Variants in C1QTNF3 observed in about 807,000 individuals in gnomAD.
The protein encoded by C1QTNF3 is complement C1q tumor necrosis factor-related protein 3.
C1QTNF3 carries 26 observed loss-of-function variants against 32.6 expected under a neutral mutation model. That is an observed-to-expected ratio of 0.80 (90% CI 0.58 to 1.11). C1QTNF3 has a LOEUF of 1.11. C1QTNF3 is among the 50% of genes least tolerant of loss of function. The probability of loss-of-function intolerance (pLI) is 0.00; values close to 1 mark genes in which losing one functional copy is unlikely to be tolerated. For missense variants in C1QTNF3, 362 were observed against 398.2 expected (o/e 0.91, Z 0.77); for synonymous variants, 155 against 146.0 (o/e 1.06, Z -0.44).
the C1QTNF3 span, chr5:34,200,734 T>C: frequency 6.6e-6 from 1 of 152,158 alleles, no homozygotes; most frequent in Non-Finnish European, 1.5e-5. Context: ...CGTCAATCTC[T>C]ACATTCTGAT....
the C1QTNF3 span, among the ~76,000 whole-genome samples, chr5:34,054,701 T>C: frequency 3.3e-5 from 5 of 152,128 alleles, no homozygotes; most frequent in East Asian, 7.7e-4. Context: ...CATGGAAAAA[T>C]AGAATTTTTA....
At chr5:34,043,405 G>A (rs575583704), upstream of C1QTNF3, 163 of 439,272 alleles carry the variant, frequency 3.7e-4, 1 homozygote, top group Non-Finnish European at 5.4e-4. Context: ...ACCTTGGCAC[G>A]TTTCTGTTGA....
At chr5:34,239,352 C>T in the C1QTNF3 span, 26 of 152,186 alleles carry the variant, frequency 1.7e-4, no homozygotes, top group African/African-American at 5.8e-4. Flanking sequence ...CAATGGCAAA[C>T]TGGATAAAAA....
the C1QTNF3 span, among the ~76,000 whole-genome samples, chr5:34,209,431 ATAAAG>A: frequency 5.3e-5 from 8 of 151,276 alleles, no homozygotes; most frequent in African/African-American, 1.5e-4. Flanking sequence ...AAGTTAATAA[ATAAAG>A]TAATTACATT....
At chr5:34,162,567 G>A in the C1QTNF3 span, among the ~76,000 whole-genome samples, 1 of 152,200 alleles carries the variant, frequency 6.6e-6, no homozygotes, top group Non-Finnish European at 1.5e-5. Flanking sequence ...TTCTACAGTT[G>A]AGATTTTAAA....
chr5:34,129,844 G>A, the C1QTNF3 span, among the ~76,000 whole-genome samples: 1 of 151,770 alleles, frequency 6.6e-6, no homozygotes, highest in Non-Finnish European at 1.5e-5. Context: ...AATAATTTTA[G>A]TCCAATCAAT....
At chr5:34,175,823 C>A in the C1QTNF3 span, 18 of 775,168 alleles carry the variant, frequency 2.3e-5, no homozygotes, top group Non-Finnish European at 3.8e-5. Flanking sequence ...GCCACTTACA[C>A]TGGTTAGTCA....
the C1QTNF3 span, among the ~76,000 whole-genome samples, chr5:34,119,330 G>A: frequency 6.6e-6 from 1 of 152,098 alleles, no homozygotes; most frequent in Non-Finnish European, 1.5e-5. Flanking sequence ...CCCAATGATA[G>A]GGCAAGGTTC....
intron 4 of C1QTNF3, among the ~76,000 whole-genome samples, chr5:34,026,197 C>T (rs1024319888): frequency 7.2e-5 from 11 of 152,048 alleles, no homozygotes; most frequent in African/African-American, 2.7e-4. Flanking sequence ...TGCCAAATGC[C>T]CCTGAGGGTG....
the C1QTNF3 span, among the ~76,000 whole-genome samples, chr5:34,062,058 C>T: frequency 6.6e-6 from 1 of 152,202 alleles, no homozygotes; most frequent in Admixed American, 6.5e-5. Context: ...TTAGAAATTT[C>T]TTCTACCAGA....
At chr5:34,104,702 A>AT in the C1QTNF3 span, among the ~76,000 whole-genome samples, 1 of 119,172 alleles carries the variant, frequency 8.4e-6, no homozygotes, top group Non-Finnish European at 1.7e-5. Flanking sequence ...GGTCTGGCTA[A>AT]TTTTTTTGTA....
At chr5:34,164,360 T>A in the C1QTNF3 span, among the ~76,000 whole-genome samples, 1 of 152,070 alleles carries the variant, frequency 6.6e-6, no homozygotes. Context: ...GAATAAAACA[T>A]CATCTTTCAC....
the C1QTNF3 span, chr5:34,166,107 C>T: frequency 6.6e-6 from 1 of 150,874 alleles, no homozygotes; most frequent in African/African-American, 2.4e-5. Context: ...TAGAACAGGA[C>T]AATTAAATAA....
the C1QTNF3 span, among the ~76,000 whole-genome samples, chr5:34,228,954 T>C: frequency 2.0e-5 from 3 of 151,840 alleles, no homozygotes; most frequent in Admixed American, 1.3e-4. Context: ...AGGATGCCAA[T>C]TAGAGTTTTT....
At chr5:34,069,920 C>T in the C1QTNF3 span, among the ~76,000 whole-genome samples, 1 of 152,190 alleles carries the variant, frequency 6.6e-6, no homozygotes, top group Admixed American at 6.5e-5. Flanking sequence ...ACCCAGGCTT[C>T]AGCTCTATCA....
chr5:34,046,460 CAGG>C (rs1754988037), upstream of C1QTNF3, among the ~76,000 whole-genome samples: 1 of 152,170 alleles, frequency 6.6e-6, no homozygotes, highest in Non-Finnish European at 1.5e-5. Context: ...GACATGCACA[CAGG>C]AGAACACTAT....
chr5:34,071,983 G>A, the C1QTNF3 span, among the ~76,000 whole-genome samples: 4 of 151,314 alleles, frequency 2.6e-5, no homozygotes, highest in African/African-American at 7.3e-5. Context: ...GATGACCAAC[G>A]TGTCTTCAAT....
the C1QTNF3 span, among the ~76,000 whole-genome samples, chr5:34,085,946 C>T: frequency 6.6e-6 from 1 of 150,552 alleles, no homozygotes; most frequent in Admixed American, 6.6e-5. Context: ...TGGGTACATA[C>T]CCAAAGGATT....
chr5:34,031,386 TG>T (rs1432907838), intron 3 of C1QTNF3, among the ~76,000 whole-genome samples: 3 of 152,214 alleles, frequency 2.0e-5, no homozygotes, highest in African/African-American at 7.2e-5. Flanking sequence ...CCCTTCTCCG[TG>T]GTTTACCATT....
Sources: allele counts gnomAD v4.1 joint callset (sites outside exome capture counted in the v4.1 genomes callset), GRCh38; gene constraint gnomAD v4.1.1; transcripts MANE v1.5; gene names NCBI Gene and HGNC (gene_info 2026-07-23, HGNC 2026-07-21).